Variants in BRD2 observed in about 807,000 individuals in gnomAD.
The protein encoded by BRD2 is bromodomain-containing protein 2.
In BRD2, 15 loss-of-function variants were observed where a neutral mutation model predicts 79.1. That is an observed-to-expected ratio of 0.19 (90% CI 0.13 to 0.29). The LOEUF (loss-of-function observed/expected upper bound fraction) is 0.29. Ranked by LOEUF, BRD2 falls within the 10% of genes least tolerant of loss-of-function variation. BRD2 has a pLI of 1.00. For missense variants in BRD2, 1,053 were observed against 991.3 expected (o/e 1.06, Z -0.84); for synonymous variants, 488 against 358.6 (o/e 1.36, Z -4.08).
At chr6:32,969,366 C>T in intron 1 of BRD2, 1 of 716,828 alleles carries the variant, frequency 1.4e-6, no homozygotes, top group Non-Finnish European at 2.6e-6. Context: ...AGAAGGGATC[C>T]ATCGGCGGCC....
Position 32,977,571 on chromosome 6 carries a change from G to GT in BRD2, c.1329+2dup. The GT allele has an allele frequency of 6.2e-7, 1 of 1,613,950 alleles. No individual in the cohort carries two copies. The highest frequency in any genetic ancestry group is 8.5e-7 in the Non-Finnish European group (1 of 1,180,016). ...TGTGGCAATGGCACGAAAGCTACAG[G>GT]TGAGTGGAAAGGTTGGAGTTTGAAA... On this transcript the variant is annotated splice_donor_variant, in intron 8 of 12. Transcript: ENST00000374825. LOFTEE classifies it high-confidence loss of function.
At chr6:32,977,365 TC>T (rs1417484187) in intron 7 of BRD2, 76 bp from the exon 8 acceptor site, 15 of 1,611,294 alleles carry the variant, frequency 9.3e-6, no homozygotes, top group South Asian at 5.5e-5. Flanking sequence ...AGAGGGCTCT[TC>T]TTGTGGTGTC....
chr6:32,976,434 T>TGCA lies in BRD2; in HGVS notation c.798_800dup (p.Ala267dup). 1 of 1,611,590 alleles carries TGCA rather than the reference T, an allele frequency of 6.2e-7. No individual in the cohort carries two copies. Reference sequence around the variant, plus strand: ...CTGGACCCCCGCTCCTTGCTGTTACTGCAGCTCCTCCAGCCCAGCCCCTTG... The same window carrying TGCA: ...CTGGACCCCCGCTCCTTGCTGTTACTGCAGCAGCTCCTCCAGCCCAGCCCCTTG... On this transcript the variant is annotated inframe_insertion, in exon 6 of 13. Transcript: ENST00000374825.
At position 32,977,199 on chromosome 6, in the gene BRD2, T is replaced by C. The variant is rs536719139; in HGVS notation, c.1201-243T>C. Reference sequence around the variant, plus strand: ...TGGCAGTGTTGGGTTAAGGAAGTTATAGGGTGGAAAAACAGGCATAGGCCA... The same window carrying C: ...TGGCAGTGTTGGGTTAAGGAAGTTACAGGGTGGAAAAACAGGCATAGGCCA... On this transcript the variant is annotated intron_variant, in intron 7 of 12. Transcript: ENST00000374825. The C allele has an allele frequency of 3.8e-5, 56 of 1,478,262 alleles. No homozygotes were observed. The Admixed American group carries it at 6.3e-4, about 17-fold the overall frequency. The allele number at this position is 1,478,262 out of a possible 1,614,324, so 91.6% of individuals were successfully genotyped here.
Position 32,971,670 on chromosome 6 carries a change from C to T in BRD2, c.-1229C>T, listed in dbSNP as rs200949008. 20 of 488,488 alleles carry T rather than the reference C, an allele frequency of 4.1e-5. No individual in the cohort carries two copies. The highest frequency in any genetic ancestry group is 7.2e-5 in the Non-Finnish European group (20 of 276,992). 30.3% of individuals were successfully genotyped at this position (488,488 alleles called of 1,614,324 possible). A position where few individuals can be genotyped will look rare whatever the true frequency, so the allele number is the denominator to read the frequency against. Reference sequence around the variant, plus strand: ...CTTGCGGCCACACCCCTGGCGGGTTCAGGCAGGCTACGCCCACGCGACCCC... The same window carrying T: ...CTTGCGGCCACACCCCTGGCGGGTTTAGGCAGGCTACGCCCACGCGACCCC... On this transcript the variant is annotated 5_prime_UTR_variant, in exon 2 of 13. Coordinates refer to ENST00000374825, the MANE Select transcript of BRD2 (RefSeq NM_005104.4).
In BRD2 at chr6:32,972,064, C is replaced by G. The variant is rs777890525; in HGVS notation, c.-835C>G. The G allele has an allele frequency of 8.6e-6, 6 of 699,174 alleles. No homozygotes were observed. The highest frequency in any genetic ancestry group is 7.0e-5 in the African/African-American group (4 of 57,046). 43.3% of individuals were successfully genotyped at this position (699,174 alleles called of 1,614,324 possible). A position where few individuals can be genotyped will look rare whatever the true frequency, so the allele number is the denominator to read the frequency against. The stretch of plus-strand genomic sequence containing the variant: ...GAGAGGTGTTCCTTCCCCTTCGACT[C>G]AGCTTCTTCACCCGCGTGAGCGAGC... On this transcript the variant is annotated 5_prime_UTR_variant, in exon 2 of 13. Transcript: ENST00000374825.
chr6:32,976,215 A>G, intron 5 of BRD2, 35 bp from the exon 6 acceptor site: 2 of 1,611,206 alleles, frequency 1.2e-6, no homozygotes, highest in Non-Finnish European at 1.7e-6. Flanking sequence ...AAGATGGGGA[A>G]GAGAATCAAA....
At position 32,976,243 on chromosome 6, in the gene BRD2, T is replaced by A; in HGVS notation, c.611-7T>A. On this transcript the variant is annotated splice_polypyrimidine_tract_variant and splice_region_variant and intron_variant, in intron 5 of 12. Coordinates refer to ENST00000374825, the MANE Select transcript of BRD2 (RefSeq NM_005104.4). Reference sequence around the variant, plus strand: ...GAATCAAACTACACTTTTTTCCTTTTTTCTAGCGCTCCAGGGCAGTGTTAC... The same window carrying A: ...GAATCAAACTACACTTTTTTCCTTTATTCTAGCGCTCCAGGGCAGTGTTAC... 1 of 1,611,386 alleles carries A rather than the reference T, an allele frequency of 6.2e-7. No homozygotes were observed.
intron 4 of BRD2, 64 bp downstream of exon 4, chr6:32,975,585 T>C: frequency 6.3e-7 from 1 of 1,575,974 alleles, no homozygotes; most frequent in Non-Finnish European, 8.7e-7. Flanking sequence ...TATTGCTGGA[T>C]ATGTTGTCTA....
At position 32,975,978 on chromosome 6, in the gene BRD2, T is replaced by G. The variant is rs1582905669; in HGVS notation, c.472-53T>G. ...GCCTCTGAGAAAGATGGTGTGTATCTATCTTCTGTTGGCATTTTTTAACTT... is the reference window on the plus strand; with the variant it reads ...GCCTCTGAGAAAGATGGTGTGTATCGATCTTCTGTTGGCATTTTTTAACTT... On this transcript the variant is annotated intron_variant, in intron 4 of 12. Transcript: ENST00000374825. 1.9e-6 allele frequency: 3 copies of G among 1,554,370 alleles called. No homozygotes were observed. In the East Asian group the frequency reaches 6.7e-5, roughly 35 times the overall value.
chr6:32,976,527 G>C, intron 6 of BRD2, 35 bp from the exon 7 acceptor site: 6 of 1,594,256 alleles, frequency 3.8e-6, no homozygotes, highest in Non-Finnish European at 5.1e-6. Flanking sequence ...AGTGGGCTTG[G>C]AGTGACAGGT....
Position 32,981,192 on chromosome 6 carries a change from T to G in BRD2, c.*474T>G, listed in dbSNP as rs1779506738. 6.5e-6 allele frequency: 1 copy of G among 154,150 alleles called. No individual in the cohort carries two copies. Among genetic ancestry groups the G allele is most frequent in the Admixed American group, 6.2e-5 (1 of 16,048 alleles). The allele number at this position is 154,150 out of a possible 1,614,324, so 9.5% of individuals were successfully genotyped here. On this transcript the variant is annotated 3_prime_UTR_variant, in exon 13 of 13. Coordinates refer to ENST00000374825, the MANE Select transcript of BRD2 (RefSeq NM_005104.4). ...TACGTTGATTTTTTTTTTTCTACTC[T>G]GTTTTCCCTTTTTCCTTCCGCTCCA...
In BRD2 at chr6:32,975,334, C is replaced by G. The variant is rs369091458; in HGVS notation, c.334-50C>G. 6.9e-4 allele frequency: 1,024 copies of G among 1,479,304 alleles called. 1 individual carries two copies. The highest frequency in any genetic ancestry group is 9.2e-4 in the Non-Finnish European group (993 of 1,079,736). 91.6% of individuals were successfully genotyped at this position (1,479,304 alleles called of 1,614,324 possible). On this transcript the variant is annotated intron_variant, in intron 3 of 12. Transcript: ENST00000374825. Reference sequence around the variant, plus strand: ...TGAGAGTCGGGGATCGGTAGTCTCCCTATAAGCATTTATTTTTCTGTGGTT... The same window carrying G: ...TGAGAGTCGGGGATCGGTAGTCTCCGTATAAGCATTTATTTTTCTGTGGTT...
intron 1 of BRD2, chr6:32,969,291 A>AG (rs1260167100): frequency 4.2e-6 from 3 of 712,876 alleles, no homozygotes; most frequent in East Asian, 5.4e-5. Context: ...CAAAGGGGTT[A>AG]GGGGGCGGTG....
chr6:32,974,375 C>CA (rs1218726881), intron 2 of BRD2, 87 bp from the exon 3 acceptor site: 47 of 1,382,106 alleles, frequency 3.4e-5, no homozygotes, highest in Non-Finnish European at 4.5e-5. Context: ...TCACTAGGGC[C>CA]AGCACCTGGA....
intron 1 of BRD2, chr6:32,969,369 C>T (rs1198383549): frequency 1.4e-6 from 1 of 716,782 alleles, no homozygotes; most frequent in African/African-American, 1.7e-5. Flanking sequence ...AGGGATCCAT[C>T]GGCGGCCGAG....
chr6:32,979,825 TAGGC>T lies in BRD2; in HGVS notation c.1842-2_1843del. ...TTTTGCTGACAACTCTTTTTGCCCT[TAGGC>T]TCCCCAAAAAGGCCACAAAGACAGC... On this transcript the variant is annotated splice_acceptor_variant and coding_sequence_variant, in exon 11 of 13. Coordinates refer to ENST00000374825, the MANE Select transcript of BRD2 (RefSeq NM_005104.4). LOFTEE classifies it high-confidence loss of function. 1.2e-6 allele frequency: 2 copies of T among 1,610,494 alleles called. No homozygotes were observed. The highest frequency in any genetic ancestry group is 1.7e-5 in the Admixed American group (1 of 59,842).
chr6:32,975,285 G>T lies in BRD2; in HGVS notation c.334-99G>T, dbSNP rs3129295. On this transcript the variant is annotated intron_variant, in intron 3 of 12. Transcript: ENST00000374825. ...AACTGTTCCTTTGATGCATAGGGGG[G>T]GTGTGTGTGTGTGTGTGTGTGTGTG... 360,409 of 683,132 alleles carry T rather than the reference G, an allele frequency of 0.53. 66,937 individuals carry two copies. Among genetic ancestry groups the T allele is most frequent in the African/African-American group, 0.64 (34,011 of 52,954 alleles). The allele number at this position is 683,132 out of a possible 1,614,324, so 42.3% of individuals were successfully genotyped here.
At position 32,972,742 on chromosome 6, in the gene BRD2, G is replaced by T. The variant is rs1778184006; in HGVS notation, c.-157G>T. On this transcript the variant is annotated 5_prime_UTR_variant, in exon 2 of 13. Coordinates refer to ENST00000374825, the MANE Select transcript of BRD2 (RefSeq NM_005104.4). ...CTCTCCGAGAGGCCCCAAAGAGACTGCTTTCGTGCCGGCCAGGCAGGGGGT... is the reference window on the plus strand; with the variant it reads ...CTCTCCGAGAGGCCCCAAAGAGACTTCTTTCGTGCCGGCCAGGCAGGGGGT... The T allele has an allele frequency of 5.3e-6, 6 of 1,133,468 alleles. No individual in the cohort carries two copies. The highest frequency in any genetic ancestry group is 7.7e-6 in the Non-Finnish European group (6 of 777,078). 70.2% of individuals were successfully genotyped at this position (1,133,468 alleles called of 1,614,324 possible).
Sources: allele counts gnomAD v4.1 joint callset, GRCh38; gene constraint gnomAD v4.1.1; transcripts MANE v1.5; gene names NCBI Gene and HGNC (gene_info 2026-07-23, HGNC 2026-07-21).